Variants in TNRC6B observed in about 807,000 individuals in gnomAD.
TNRC6B encodes trinucleotide repeat-containing gene 6B protein.
TNRC6B carries 52 observed loss-of-function variants against 203.6 expected under a neutral mutation model. That is an observed-to-expected ratio of 0.26 (90% CI 0.20 to 0.32). The LOEUF is 0.32. TNRC6B is among the 10% of genes least tolerant of loss of function. The probability of loss-of-function intolerance (pLI) is 1.00; values close to 1 mark genes in which losing one functional copy is unlikely to be tolerated. For synonymous variants in TNRC6B, 838 were observed against 845.7 expected (o/e 0.99, Z 0.16); for missense variants, 1,923 against 2,286.2 (o/e 0.84, Z 3.24).
At chr22:40,273,697 C>T in intron 7 of TNRC6B, 97 bp downstream of exon 7, 2 of 1,346,668 alleles carry the variant, frequency 1.5e-6, no homozygotes, top group Non-Finnish European at 2.0e-6. Flanking sequence ...CAAGTTCTCC[C>T]TCTGTCACCC....
At position 40,280,008 on chromosome 22, in the gene TNRC6B, T is replaced by C; in HGVS notation, c.3276T>C (p.Asp1092=). The change falls in exon 10 of 23, where the codon GAT becomes GAC. Residue 1092 remains aspartate (D), a synonymous_variant. Transcript: ENST00000454349. ...KMDLSVGSLS[D]KKFDVDKRAM... Reference sequence around the variant, plus strand: ...GCTACTTTTCAGGAAGCCTTTCAGATAAAAAATTTGATGTGGACAAGCGAG... The same window carrying C: ...GCTACTTTTCAGGAAGCCTTTCAGACAAAAAATTTGATGTGGACAAGCGAG... The C allele has an allele frequency of 6.2e-7, 1 of 1,613,888 alleles. No homozygotes were observed. The highest frequency in any genetic ancestry group is 8.5e-7 in the Non-Finnish European group (1 of 1,179,838).
chr22:40,229,981 A>G (rs887087203), intron 1 of TNRC6B, among the ~76,000 whole-genome samples: 6 of 152,198 alleles, frequency 3.9e-5, no homozygotes, highest in Non-Finnish European at 7.3e-5. Context: ...AACCTAGGCA[A>G]TGAATGGCTG....
intron 1 of TNRC6B, among the ~76,000 whole-genome samples, chr22:40,242,343 A>G (rs1441175330): frequency 6.6e-6 from 1 of 152,158 alleles, no homozygotes; most frequent in Non-Finnish European, 1.5e-5. Flanking sequence ...AACCCCACAG[A>G]GTTCATTTGA....
intron 2 of TNRC6B, among the ~76,000 whole-genome samples, chr22:40,120,335 C>CAA (rs11429406): frequency 0.012 from 1,408 of 118,280 alleles, 16 homozygotes; most frequent in African/African-American, 0.02. Context: ...GACCCTGTCT[C>CAA]AAAAAAAAAA....
At chr22:40,192,412 G>T (rs551056681) in intron 1 of TNRC6B, among the ~76,000 whole-genome samples, 34 of 152,278 alleles carry the variant, frequency 2.2e-4, no homozygotes, top group Admixed American at 2.2e-3. Context: ...GAGGTCGGGA[G>T]TTGGAGACAG....
At chr22:40,171,488 G>C (rs1007307800) in intron 4 of TNRC6B, among the ~76,000 whole-genome samples, 44 of 152,094 alleles carry the variant, frequency 2.9e-4, no homozygotes, top group African/African-American at 1.1e-3. Flanking sequence ...CAATGAATGG[G>C]ACTGCTGAGT....
In TNRC6B at chr22:40,334,446, T is replaced by G. The variant is rs1310494783; in HGVS notation, c.*11205T>G. 1 of 152,504 alleles carries G rather than the reference T, an allele frequency of 6.6e-6. No homozygotes were observed. The highest frequency in any genetic ancestry group is 1.5e-5 in the Non-Finnish European group (1 of 68,040). The allele number at this position is 152,504 out of a possible 1,614,324, so 9.4% of individuals were successfully genotyped here. On this transcript the variant is annotated 3_prime_UTR_variant, in exon 23 of 23. Transcript: ENST00000454349. The stretch of plus-strand genomic sequence containing the variant: ...GATACAACAGCTCAACTGTTCCCAC[T>G]CCTAACTCTCCACTATGTGCTTATA...
At chr22:40,300,224 G>A (rs1469874456) in intron 12 of TNRC6B, among the ~76,000 whole-genome samples, 1 of 151,198 alleles carries the variant, frequency 6.6e-6, no homozygotes, top group Non-Finnish European at 1.5e-5. Flanking sequence ...ACTTTTTATT[G>A]TAGAAAATTG....
chr22:40,315,204 G>A (rs1312020991), intron 19 of TNRC6B, 79 bp from the exon 20 acceptor site: 11 of 1,091,120 alleles, frequency 1.0e-5, no homozygotes, highest in South Asian at 4.2e-5. Flanking sequence ...TTATGTGTAT[G>A]TAGATAAAAC....
At chr22:40,047,933 G>A (rs1377984868) in intron 1 of TNRC6B, among the ~76,000 whole-genome samples, 2 of 152,078 alleles carry the variant, frequency 1.3e-5, no homozygotes, top group Non-Finnish European at 2.9e-5. Flanking sequence ...TGTAGATTTC[G>A]GATTCATTTT....
chr22:40,153,955 A>G (rs2068785743), intron 3 of TNRC6B, among the ~76,000 whole-genome samples: 1 of 151,440 alleles, frequency 6.6e-6, no homozygotes, highest in Non-Finnish European at 1.5e-5. Context: ...TAATATTAAT[A>G]TTAAGAAATT....
intron 1 of TNRC6B, among the ~76,000 whole-genome samples, chr22:40,214,972 A>G (rs1476712184): frequency 6.6e-6 from 1 of 151,442 alleles, no homozygotes; most frequent in Non-Finnish European, 1.5e-5. Context: ...AATATTTTTT[A>G]CTTACCCAGA....
chr22:40,298,883 G>C (rs1007971869), intron 12 of TNRC6B, among the ~76,000 whole-genome samples: 4 of 151,870 alleles, frequency 2.6e-5, no homozygotes, highest in Non-Finnish European at 5.9e-5. Flanking sequence ...GGAGAATGGC[G>C]TGAACCCAGG....
At chr22:40,090,021 T>G (rs2068137092) in intron 1 of TNRC6B, among the ~76,000 whole-genome samples, 1 of 152,236 alleles carries the variant, frequency 6.6e-6, no homozygotes, top group East Asian at 1.9e-4. Context: ...GATAGCTCAT[T>G]TCATTTTAGC....
intron 3 of TNRC6B, among the ~76,000 whole-genome samples, chr22:40,255,758 C>T (rs2070266384): frequency 6.6e-6 from 1 of 152,350 alleles, no homozygotes; most frequent in East Asian, 1.9e-4. Context: ...ATGGAGGTTG[C>T]TCTCTGTTCC....
chr22:40,305,143 A>G (rs1003994262), intron 15 of TNRC6B, among the ~76,000 whole-genome samples: 3 of 152,162 alleles, frequency 2.0e-5, no homozygotes, highest in African/African-American at 7.2e-5. Context: ...GGAGAATGAG[A>G]GAGAGTAATT....
intron 1 of TNRC6B, among the ~76,000 whole-genome samples, chr22:40,069,170 C>G (rs1020868365): frequency 6.6e-6 from 1 of 152,110 alleles, no homozygotes; most frequent in Non-Finnish European, 1.5e-5. Context: ...CAATCATGCC[C>G]CACTGCATGC....
rs2071353022 is a variant in TNRC6B at position 40,322,830 on chromosome 22, C to T, written c.5115-24C>T. 10 of 1,613,042 alleles carry T rather than the reference C, an allele frequency of 6.2e-6. No homozygotes were observed. In the South Asian group the frequency reaches 6.6e-5, roughly 11 times the overall value. On this transcript the variant is annotated intron_variant, in intron 22 of 22. Transcript: ENST00000454349. The stretch of plus-strand genomic sequence containing the variant: ...TTTAGGATTTTCCTGAGATCCATAG[C>T]TCTCTTTCCCTCCCTTCTTCCAGGT...
chr22:40,110,199 C>A (rs2068320626), intron 1 of TNRC6B, among the ~76,000 whole-genome samples: 1 of 152,100 alleles, frequency 6.6e-6, no homozygotes, highest in African/African-American at 2.4e-5. Context: ...ATTGCATATA[C>A]TTATGGGGTA....
Sources: gnomAD v4.1 joint callset for allele counts (sites outside exome capture counted in the v4.1 genomes callset) on GRCh38, gnomAD v4.1.1 for gene constraint, MANE v1.5 for transcripts, NCBI Gene and HGNC (gene_info 2026-07-23, HGNC 2026-07-21) for gene names.